The following DLGAP4 variants were observed in gnomAD, a reference collection of about 807,000 sequenced individuals.
DLGAP4 encodes disks large-associated protein 4.
A neutral mutation model predicts 86.9 loss-of-function variants in DLGAP4; 18 were observed. The ratio of observed to expected loss-of-function variants is 0.21; its 90% confidence interval spans 0.14 to 0.31. DLGAP4 has a LOEUF of 0.31. Among genes scored for constraint, DLGAP4 ranks in the 10% least tolerant of loss-of-function variants. DLGAP4 has a pLI of 1.00. For synonymous variants in DLGAP4, 548 were observed against 574.3 expected, an observed-to-expected ratio of 0.95 and a Z score of 0.65; for missense variants, 1,085 against 1,362.6, an observed-to-expected ratio of 0.80 and a Z score of 3.21.
At chr20:36,368,652 G>A (rs1239440138) in intron 2 of DLGAP4, among the ~76,000 whole-genome samples, 1 of 135,864 alleles carries the variant, frequency 7.4e-6, no homozygotes, top group Non-Finnish European at 1.6e-5. Context: ...GGATGGCTTG[G>A]TCTGAGAGCT....
chr20:36,427,457 GAC>G (rs1279411792), intron 2 of DLGAP4, among the ~76,000 whole-genome samples: 1 of 145,256 alleles, frequency 6.9e-6, no homozygotes, highest in Non-Finnish European at 1.5e-5. Context: ...CAACCTGGGT[GAC>G]AGAGTGAGAG....
At position 36,308,336 on chromosome 20, in the gene DLGAP4, CT is replaced by C. The variant is rs1225685512; in HGVS notation, c.-304+1830del. ...ACAGGGTCCCCACCTCCAGGAGCCT[CT>C]TTTTTGTTGGGGGAGGCAGCCTGTG... On this transcript the variant is annotated intron_variant, in intron 1 of 12. Coordinates refer to ENST00000339266, the MANE Select transcript of DLGAP4 (RefSeq NM_001365621.2). The surrounding 1 kb of genome is among the most constrained non-coding windows in gnomAD (Gnocchi z 4.5). 6.6e-6 allele frequency among the ~76,000 whole-genome samples: 1 copy of C among 152,140 alleles called. No individual in the cohort carries two copies. The highest frequency in any genetic ancestry group is 1.5e-5 in the Non-Finnish European group (1 of 68,012).
intron 1 of DLGAP4, among the ~76,000 whole-genome samples, chr20:36,357,477 T>G (rs1285062295): frequency 6.6e-6 from 1 of 152,176 alleles, no homozygotes; most frequent in Non-Finnish European, 1.5e-5. Flanking sequence ...TGCCTTTTGC[T>G]GCAAAGCCAC....
At chr20:36,361,840 G>A (rs991000362) in intron 1 of DLGAP4, among the ~76,000 whole-genome samples, 6 of 151,988 alleles carry the variant, frequency 3.9e-5, no homozygotes, top group East Asian at 3.9e-4. Context: ...TTAGCGGAGC[G>A]TGGTGGTGCA....
chr20:36,477,106 C>CT (rs113443321), intron 7 of DLGAP4, among the ~76,000 whole-genome samples: 5,142 of 143,398 alleles, frequency 0.036, 293 homozygotes, highest in African/African-American at 0.12. Flanking sequence ...TCTCTTTTTT[C>CT]TTTTTTTTTT....
chr20:36,457,960 AAT>A (rs1483396730), intron 7 of DLGAP4, among the ~76,000 whole-genome samples: 1 of 151,818 alleles, frequency 6.6e-6, no homozygotes, highest in East Asian at 2.0e-4. Flanking sequence ...GAAGTGTGGG[AAT>A]AAGCAGTGCT....
chr20:36,375,333 C>T (rs543958502), intron 2 of DLGAP4, among the ~76,000 whole-genome samples: 1 of 152,348 alleles, frequency 6.6e-6, no homozygotes, highest in East Asian at 1.9e-4. Flanking sequence ...GTTTTGAGAG[C>T]AGCATTTTTT....
At chr20:36,398,534 G>A (rs2032064696) in intron 2 of DLGAP4, among the ~76,000 whole-genome samples, 2 of 152,236 alleles carry the variant, frequency 1.3e-5, no homozygotes, top group Admixed American at 1.3e-4. Flanking sequence ...CCGTAGAGAA[G>A]AGTACATCAG....
intron 7 of DLGAP4, 147 bp downstream of exon 7, chr20:36,447,084 G>A: frequency 1.4e-6 from 2 of 1,429,154 alleles, no homozygotes; most frequent in Non-Finnish European, 1.8e-6. Flanking sequence ...AAAAGCAGGA[G>A]GCCTTGGAGC....
chr20:36,493,348 A>G (rs905981248), intron 7 of DLGAP4, among the ~76,000 whole-genome samples: 1 of 152,218 alleles, frequency 6.6e-6, no homozygotes, highest in African/African-American at 2.4e-5. Context: ...CTGCAGTCAC[A>G]GTGATGGGAG....
chr20:36,488,913 G>A (rs951515444), intron 7 of DLGAP4, among the ~76,000 whole-genome samples: 4 of 152,162 alleles, frequency 2.6e-5, no homozygotes, highest in Admixed American at 2.0e-4. Context: ...CATTAACATT[G>A]AACTCATGGC....
At position 36,496,758 on chromosome 20, in the gene DLGAP4, A is replaced by G. The variant is rs1486197733; in HGVS notation, c.1702A>G (p.Thr568Ala). 6.2e-7 allele frequency: 1 copy of G among 1,613,322 alleles called. No homozygotes were observed. Among genetic ancestry groups the G allele is most frequent in the Non-Finnish European group, 8.5e-7 (1 of 1,179,328 alleles). The change falls in exon 8 of 13, where the codon ACC (threonine) becomes GCC (alanine). Residue 568 changes from threonine (T) to alanine (A), a missense_variant. Coordinates refer to ENST00000339266, the MANE Select transcript of DLGAP4 (RefSeq NM_001365621.2). ...GACCCCGCCACCGGTCCCTCCACGC[A>G]CCACTTCAAAGCCGTTCATCTCAGT... Reference protein sequence around the residue: ...KKTPPPVPPRTTSKPFISVTV... With the variant: ...KKTPPPVPPRATSKPFISVTV...
At chr20:36,356,914 C>T (rs535831199) in intron 1 of DLGAP4, among the ~76,000 whole-genome samples, 1 of 152,258 alleles carries the variant, frequency 6.6e-6, no homozygotes, top group Admixed American at 6.5e-5. Flanking sequence ...CAAACCAGCC[C>T]CAAATTGGAT....
intron 1 of DLGAP4, among the ~76,000 whole-genome samples, chr20:36,328,666 T>G (rs2065239317): frequency 6.6e-6 from 1 of 152,084 alleles, no homozygotes; most frequent in South Asian, 2.1e-4. Flanking sequence ...TTTGCTCTTA[T>G]CGCCCAGGCT....
At position 36,528,122 on chromosome 20, in the gene DLGAP4, G is replaced by A. The variant is rs2037879151; in HGVS notation, c.*1091G>A. 6.6e-6 allele frequency: 1 copy of A among 151,990 alleles called. No individual in the cohort carries two copies. The highest frequency in any genetic ancestry group is 1.5e-5 in the Non-Finnish European group (1 of 67,956). The allele number at this position is 151,990 out of a possible 1,614,324, so 9.4% of individuals were successfully genotyped here. On this transcript the variant is annotated 3_prime_UTR_variant, in exon 13 of 13. Transcript: ENST00000339266. The stretch of plus-strand genomic sequence containing the variant: ...AAGTGTGTGTAAAAATATATACCTT[G>A]TGTGTAAGCAGCCCTTTTTTTTTTT...
At chr20:36,335,103 C>T (rs1318248697) in intron 1 of DLGAP4, among the ~76,000 whole-genome samples, 2 of 152,116 alleles carry the variant, frequency 1.3e-5, no homozygotes, top group African/African-American at 2.4e-5. Flanking sequence ...GGGAAGAAGC[C>T]TTGCCAAGCG....
chr20:36,405,605 C>CA (rs1251406620), intron 2 of DLGAP4, among the ~76,000 whole-genome samples: 1 of 151,970 alleles, frequency 6.6e-6, no homozygotes, highest in East Asian at 1.9e-4. Flanking sequence ...GTGGATGGGG[C>CA]AGGGAGGCTG....
chr20:36,369,632 G>A lies in DLGAP4; in HGVS notation c.-73+2357G>A, dbSNP rs529270196. On this transcript the variant is annotated intron_variant, in intron 2 of 12. Transcript: ENST00000339266. ...GCACCATAAAGGCTGGACAAGGATT[G>A]CCTTGGTGGAGAAAAGAACATTGGG... 6.6e-5 allele frequency among the ~76,000 whole-genome samples: 10 copies of A among 152,316 alleles called. No homozygotes were observed. The South Asian group carries it at 8.3e-4, about 13-fold the overall frequency.
intron 1 of DLGAP4, among the ~76,000 whole-genome samples, chr20:36,349,710 C>T (rs2030080516): frequency 1.3e-5 from 2 of 152,138 alleles, no homozygotes; most frequent in African/African-American, 4.8e-5. Flanking sequence ...GGTTGTTCAA[C>T]AGATAAGGTA....
Sources: allele counts gnomAD v4.1 joint callset (sites outside exome capture counted in the v4.1 genomes callset), GRCh38; gene constraint gnomAD v4.1.1; non-coding constraint Gnocchi (gnomAD v3.1); transcripts MANE v1.5; gene names NCBI Gene and HGNC (gene_info 2026-07-23, HGNC 2026-07-21).